The following GPC6 variants were observed in gnomAD, a reference collection of about 807,000 sequenced individuals.
GPC6 encodes the protein glypican-6.
A neutral mutation model predicts 55.2 loss-of-function variants in GPC6; 14 were observed. The observed-to-expected ratio is 0.25, with a 90% CI of 0.17 to 0.40. GPC6 has a LOEUF of 0.40. Among genes scored for constraint, GPC6 ranks in the 10% least tolerant of loss-of-function variants. The pLI, the probability that GPC6 is intolerant of heterozygous loss-of-function variation, is 1.00. For missense variants in GPC6, 641 were observed against 708.5 expected (o/e 0.90, Z 1.08); for synonymous variants, 278 against 259.6 (o/e 1.07, Z -0.68).
chr13:94,126,104 C>T (rs1286358143), intron 4 of GPC6, among the ~76,000 whole-genome samples: 1 of 152,090 alleles, frequency 6.6e-6, no homozygotes, highest in East Asian at 1.9e-4. Context: ...CAACTGGGCA[C>T]CAGTGGCTCA....
At chr13:94,219,767 T>C (rs1400534727) in intron 4 of GPC6, among the ~76,000 whole-genome samples, 2 of 152,112 alleles carry the variant, frequency 1.3e-5, no homozygotes, top group African/African-American at 2.4e-5. Context: ...AAAGGAATGA[T>C]GGCTTGGCAG....
intron 4 of GPC6, among the ~76,000 whole-genome samples, chr13:94,262,245 G>T (rs1223695066): frequency 1.3e-5 from 2 of 152,154 alleles, no homozygotes; most frequent in African/African-American, 4.8e-5. Flanking sequence ...AGGTCCAGAG[G>T]CAAGAGTGAG....
chr13:93,406,958 T>G (rs907580812), intron 1 of GPC6, among the ~76,000 whole-genome samples: 11 of 152,142 alleles, frequency 7.2e-5, no homozygotes, highest in African/African-American at 2.4e-4. Context: ...AATTTTTGAT[T>G]TTATATTGGA....
At chr13:94,296,586 A>G (rs1481675700) in intron 5 of GPC6, among the ~76,000 whole-genome samples, 2 of 152,198 alleles carry the variant, frequency 1.3e-5, no homozygotes, top group African/African-American at 2.4e-5. Flanking sequence ...CCCAGCTCTC[A>G]GCACTTCCCT....
Position 93,916,690 on chromosome 13 carries a change from T to C in GPC6, c.711+86145T>C, listed in dbSNP as rs1240507077. ...ATAAAATCAGAAATAAGCTGTGAAA[T>C]GCACTTTAAGTTAATACGAAACTGT... On this transcript the variant is annotated intron_variant, in intron 3 of 8. Coordinates refer to ENST00000377047, the MANE Select transcript of GPC6 (RefSeq NM_005708.5). 3.9e-5 allele frequency among the ~76,000 whole-genome samples: 6 copies of C among 152,038 alleles called. No individual in the cohort carries two copies. In the South Asian group the frequency reaches 1.0e-3, roughly 26 times the overall value.
intron 2 of GPC6, among the ~76,000 whole-genome samples, chr13:93,658,034 A>T (rs142366105): frequency 6.6e-6 from 1 of 152,220 alleles, no homozygotes; most frequent in East Asian, 1.9e-4. Flanking sequence ...TGCAGAAAGC[A>T]GTAAACCTGC....
intron 1 of GPC6, among the ~76,000 whole-genome samples, chr13:93,524,353 A>G (rs1881565573): frequency 6.6e-6 from 1 of 152,044 alleles, no homozygotes; most frequent in South Asian, 2.1e-4. Context: ...GAACATTGGA[A>G]GTAAGTTGCT....
At chr13:94,090,311 T>C (rs989285503) in intron 4 of GPC6, among the ~76,000 whole-genome samples, 1 of 152,074 alleles carries the variant, frequency 6.6e-6, no homozygotes, top group Non-Finnish European at 1.5e-5. Flanking sequence ...ATCCCTCCCA[T>C]GACATGTGGG....
chr13:93,758,173 C>T lies in GPC6; in HGVS notation c.320-71981C>T, dbSNP rs112448837. Among the ~76,000 whole-genome samples, 1,048 of 152,254 alleles carry T rather than the reference C, an allele frequency of 6.9e-3. 15 individuals carry two copies. Among genetic ancestry groups the T allele is most frequent in the African/African-American group, 0.024 (979 of 41,548 alleles). On this transcript the variant is annotated intron_variant, in intron 2 of 8. Transcript: ENST00000377047. ...CATTGCATTGTTTTAGTTCAGTAGG[C>T]AGAGCTTCACATCAGCTAACTTTGA...
intron 4 of GPC6, among the ~76,000 whole-genome samples, chr13:94,130,678 A>C (rs1886975043): frequency 6.6e-6 from 1 of 152,146 alleles, no homozygotes; most frequent in Non-Finnish European, 1.5e-5. Context: ...AGAGAATCTC[A>C]AAAGTGCAAG....
chr13:94,039,832 T>C (rs1485159040), intron 4 of GPC6, among the ~76,000 whole-genome samples: 2 of 151,838 alleles, frequency 1.3e-5, no homozygotes, highest in Non-Finnish European at 2.9e-5. Flanking sequence ...CCTTTACCCC[T>C]AAATATTAAA....
rs1015974061 is a variant in GPC6, at chr13:93,807,119, G to A, written c.320-23035G>A. Among the ~76,000 whole-genome samples, 8 of 152,076 alleles carry A rather than the reference G, an allele frequency of 5.3e-5. 1 individual carries two copies. Among genetic ancestry groups the A allele is most frequent in the South Asian group, 4.1e-4 (2 of 4,826 alleles). On this transcript the variant is annotated intron_variant, in intron 2 of 8. Coordinates refer to ENST00000377047, the MANE Select transcript of GPC6 (RefSeq NM_005708.5). ...GATTTATCTTTTTAATCTGTTCTTA[G>A]CATTGTATAGCAATTAAACACTGGA... is the stretch of plus-strand genomic sequence containing the variant.
intron 1 of GPC6, among the ~76,000 whole-genome samples, chr13:93,349,625 A>G (rs765454549): frequency 1.8e-4 from 28 of 152,208 alleles, no homozygotes; most frequent in Admixed American, 3.3e-4. Context: ...CTTTTAAAAC[A>G]TATTAATCTT....
intron 2 of GPC6, among the ~76,000 whole-genome samples, chr13:93,693,087 G>T (rs181738673): frequency 5.9e-5 from 9 of 152,132 alleles, no homozygotes; most frequent in African/African-American, 2.2e-4. Context: ...GAAATTTCTG[G>T]CCTCTCTTTT....
intron 1 of GPC6, among the ~76,000 whole-genome samples, chr13:93,385,530 C>T (rs1036781950): frequency 5.3e-5 from 8 of 152,196 alleles, no homozygotes; most frequent in African/African-American, 1.7e-4. Flanking sequence ...CAGGCCAGGG[C>T]CCCGAACAGT....
intron 1 of GPC6, among the ~76,000 whole-genome samples, chr13:93,325,035 A>G (rs1360503474): frequency 3.9e-5 from 6 of 152,184 alleles, no homozygotes; most frequent in Admixed American, 3.9e-4. Flanking sequence ...CAATTGAGCT[A>G]TTAAAATTTT....
At chr13:93,486,230 C>T (rs186940196) in intron 1 of GPC6, among the ~76,000 whole-genome samples, 2 of 152,226 alleles carry the variant, frequency 1.3e-5, no homozygotes, top group Non-Finnish European at 2.9e-5. Context: ...TAGAACTGAA[C>T]TCAGGAGAGG....
intron 4 of GPC6, among the ~76,000 whole-genome samples, chr13:94,100,678 G>A (rs1367573244): frequency 1.3e-5 from 2 of 152,304 alleles, no homozygotes; most frequent in South Asian, 4.1e-4. Context: ...CACTTGCAAG[G>A]CCGGTTAAAA....
intron 2 of GPC6, among the ~76,000 whole-genome samples, chr13:93,742,623 A>G (rs1041554768): frequency 6.6e-6 from 1 of 152,168 alleles, no homozygotes. Context: ...ATCAATGGAG[A>G]GGCTGACACC....
Sources: allele counts gnomAD v4.1 joint callset (sites outside exome capture counted in the v4.1 genomes callset), GRCh38; gene constraint gnomAD v4.1.1; transcripts MANE v1.5; gene names NCBI Gene and HGNC (gene_info 2026-07-23, HGNC 2026-07-21).